Variants in MUC6 observed in about 807,000 individuals in gnomAD.
MUC6 encodes mucin 6, oligomeric mucus/gel-forming (gene/pseudogene).
In MUC6, 188 loss-of-function variants were observed where a neutral mutation model predicts 201.5. The observed-to-expected ratio is 0.93, with a 90% confidence interval of 0.83 to 1.05. The LOEUF is 1.05. MUC6 is among the 50% of genes least tolerant of loss of function. The probability of loss-of-function intolerance (pLI) is 0.00; values close to 1 mark genes in which losing one functional copy is unlikely to be tolerated. For synonymous variants in MUC6, 1,228 were observed against 1,389.4 expected (o/e 0.88, Z 2.58); for missense variants, 2,706 against 3,256.9 (o/e 0.83, Z 4.12).
At position 1,036,680 on chromosome 11, in the gene MUC6, G is replaced by C; in HGVS notation, c.-25C>G. 3 of 1,543,432 alleles carry C rather than the reference G, an allele frequency of 1.9e-6. No individual in the cohort carries two copies. Among genetic ancestry groups the C allele is most frequent in the Non-Finnish European group, 1.7e-6 (2 of 1,145,744 alleles). ...TGGTGCACAGTGGAGAGGAGCTCGC[G>C]CTGGGCCCGGCAGGCCTGCTGCTGC... On this transcript the variant is annotated 5_prime_UTR_variant, in exon 1 of 33. Coordinates refer to ENST00000421673, the MANE Select transcript of MUC6 (RefSeq NM_005961.3).
Position 1,016,276 on chromosome 11 carries a change from C to T in MUC6, c.6525G>A (p.Leu2175=). The part of the protein sequence containing the change: ...FVSAPVHSTT[L]SSGSHSSLST... ...ACAATGAGGAGTGTGACCCCGAGCT[C>T]AGGGTTGTGGAGTGCACGGGGGCGG... is the stretch of plus-strand genomic sequence containing the variant. Residue 2175 remains leucine (L), a synonymous_variant, in exon 31 of 33, where the codon CTG becomes CTA. Coordinates refer to ENST00000421673, the MANE Select transcript of MUC6 (RefSeq NM_005961.3). 2 of 1,612,866 alleles carry T rather than the reference C, an allele frequency of 1.2e-6. No individual in the cohort carries two copies. Among genetic ancestry groups the T allele is most frequent in the Admixed American group, 1.7e-5 (1 of 59,868 alleles).
In MUC6 at chr11:1,035,344, C is replaced by T. The variant is rs117423673; in HGVS notation, c.52+1260G>A. Among the ~76,000 whole-genome samples the T allele has an allele frequency of 4.2e-3, 639 of 152,310 alleles. 3 individuals carry two copies. Among genetic ancestry groups the T allele is most frequent in the Non-Finnish European group, 7.5e-3 (511 of 68,018 alleles). On this transcript the variant is annotated intron_variant, in intron 1 of 32. Transcript: ENST00000421673. ...GGTGGTGGCCCGAGGGACTAGGGGT[C>T]GCACTCTGCTGCAAGTTTAGCCCCA... is the stretch of plus-strand genomic sequence containing the variant.
At position 1,016,022 on chromosome 11, in the gene MUC6, G is replaced by T; in HGVS notation, c.6779C>A (p.Thr2260Asn). The change falls in exon 31 of 33, where the codon ACC becomes AAC. Residue 2260 changes from threonine (T) to asparagine (N), a missense_variant. By Grantham distance (65) the Thr-to-Asn change is moderately conservative. This residue lies in a region of MUC6 where 586 missense variants were observed against 488.0 expected (regional missense o/e 1.20). Transcript: ENST00000421673. ...STPRTTASTH[T>N]APAFSSQSTT... ...GGACTGAGAGGAGAAGGCAGGGGCGGTGTGGGTGCTGGCCGTGGTCCTGGG... is the reference window on the plus strand; with the variant it reads ...GGACTGAGAGGAGAAGGCAGGGGCGTTGTGGGTGCTGGCCGTGGTCCTGGG... 1 of 1,608,952 alleles carries T rather than the reference G, an allele frequency of 6.2e-7. No individual in the cohort carries two copies. Among genetic ancestry groups the T allele is most frequent in the African/African-American group, 1.3e-5 (1 of 74,960 alleles).
At position 1,033,424 on chromosome 11, in the gene MUC6, G is replaced by A. The variant is rs1005511764; in HGVS notation, c.53-349C>T. 6.6e-6 allele frequency among the ~76,000 whole-genome samples: 1 copy of A among 152,120 alleles called. No homozygotes were observed. Among genetic ancestry groups the A allele is most frequent in the African/African-American group, 2.4e-5 (1 of 41,426 alleles). ...GGGGCTAGGAGGGGCTGGTGCGGGT[G>A]GCAGGGGCTTGGCGGCGGAGCCAAC... is the stretch of plus-strand genomic sequence containing the variant. On this transcript the variant is annotated intron_variant, in intron 1 of 32. Transcript: ENST00000421673. The surrounding 1 kb of genome is among the most constrained non-coding windows in gnomAD (Gnocchi z 5.6).
In MUC6 at chr11:1,036,639, A is replaced by C. The variant is rs1233942053; in HGVS notation, c.17T>G (p.Leu6Arg). Reference protein sequence around the residue: MVQRWLLLSCCGALLS... With the variant: MVQRWRLLSCCGALLS... Reference sequence around the variant, plus strand: ...CAGGGCTCCGCAGCAGGACAGCAGCAGCCACCGCTGGACCATGGTGCACAG... The same window carrying C: ...CAGGGCTCCGCAGCAGGACAGCAGCCGCCACCGCTGGACCATGGTGCACAG... Residue 6 changes from leucine (L) to arginine (R), a missense_variant, in exon 1 of 33, where the codon CTG becomes CGG. Leu to Arg is a moderately radical substitution (Grantham distance 102). Coordinates refer to ENST00000421673, the MANE Select transcript of MUC6 (RefSeq NM_005961.3). 6 of 1,547,672 alleles carry C rather than the reference A, an allele frequency of 3.9e-6. No individual in the cohort carries two copies. Among genetic ancestry groups the C allele is most frequent in the Non-Finnish European group, 5.2e-6 (6 of 1,146,476 alleles).
At chr11:1,036,542 C>A (rs1857220011) in intron 1 of MUC6, 62 bp downstream of exon 1, 1 of 1,527,518 alleles carries the variant, frequency 6.5e-7, no homozygotes, top group Non-Finnish European at 8.9e-7. Context: ...GGCCCAGAGA[C>A]CCCCGCACAC....
In MUC6 at chr11:1,031,881, C is replaced by T; in HGVS notation, c.288G>A (p.Arg96=). 3.1e-6 allele frequency: 5 copies of T among 1,613,010 alleles called. No individual in the cohort carries two copies. Among genetic ancestry groups the T allele is most frequent in the Non-Finnish European group, 3.4e-6 (4 of 1,179,878 alleles). ...CGGAGGCCCCCAGCTCCACGATGAT[C>T]CGCGAGATGCTCCCGTCTGGGCCTC... ...LRRGPDGSIS[R]IIVELGASVV... is the part of the protein sequence containing the mutation. Residue 96 remains arginine (R), a synonymous_variant, in exon 3 of 33, where the codon CGG becomes CGA. Coordinates refer to ENST00000421673, the MANE Select transcript of MUC6 (RefSeq NM_005961.3).
chr11:1,029,699 C>A, intron 8 of MUC6, 84 bp from the exon 9 acceptor site: 1 of 1,476,692 alleles, frequency 6.8e-7, no homozygotes, highest in South Asian at 1.4e-5. Flanking sequence ...GACGCCCCCT[C>A]CAGCCTGGCT....
intron 3 of MUC6, 30 bp from the exon 4 acceptor site, chr11:1,031,763 C>A: frequency 6.4e-7 from 1 of 1,550,934 alleles, no homozygotes; most frequent in Non-Finnish European, 8.7e-7. Flanking sequence ...GGTGGTCGAT[C>A]CTCAGTCCTC....
chr11:1,025,410 CG>C, intron 22 of MUC6, 43 bp from the exon 23 acceptor site: 1 of 1,582,556 alleles, frequency 6.3e-7, no homozygotes, highest in African/African-American at 1.3e-5. Flanking sequence ...CTGTCTCCCC[CG>C]GCCCCTGGCA....
rs775475135 is a variant in MUC6 at position 1,036,572 on chromosome 11, C to T, written c.52+32G>A. 1.4e-5 allele frequency: 22 copies of T among 1,548,458 alleles called. 1 individual carries two copies. The highest frequency in any genetic ancestry group is 8.2e-5 in the African/African-American group (6 of 72,980). The stretch of plus-strand genomic sequence containing the variant: ...GCACACAGGGCCCCTCTGAGGGCAC[C>T]GCAGTGTCTGGCGCCCCTCGACCTC... On this transcript the variant is annotated intron_variant, in intron 1 of 32. Transcript: ENST00000421673.
intron 26 of MUC6, 77 bp from the exon 27 acceptor site, chr11:1,021,354 C>G (rs958622002): frequency 3.3e-6 from 3 of 903,968 alleles, no homozygotes; most frequent in Admixed American, 3.9e-5. Flanking sequence ...CCCTGGCGGC[C>G]TCCTTCCTCT....
At position 1,029,527 on chromosome 11, in the gene MUC6, G is replaced by C. The variant is rs201941345; in HGVS notation, c.1104C>G (p.Pro368=). ...PCVLHGAMYA[P]GEVTIAACQT... ...GGCAGGCAGCTATTGTGACCTCCCC[G>C]GGGGCATACATGGCGCCGTGGAGCA... Residue 368 remains proline, a synonymous_variant, in exon 9 of 33, where the codon CCC becomes CCG. Transcript: ENST00000421673. The C allele has an allele frequency of 2.7e-4, 432 of 1,612,442 alleles. 2 individuals are homozygous for C. Among genetic ancestry groups the C allele is most frequent in the Middle Eastern group, 9.9e-4 (6 of 6,056 alleles).
chr11:1,032,154 T>G, intron 2 of MUC6, 101 bp from the exon 3 acceptor site: 1 of 1,479,198 alleles, frequency 6.8e-7, no homozygotes, highest in Non-Finnish European at 9.1e-7. Context: ...GGGCCAGGGT[T>G]TTTGAGTTGG....
Position 1,016,263 on chromosome 11 carries a change from G to T in MUC6, c.6538C>A (p.His2180Asn), listed in dbSNP as rs200679139. 2.1e-4 allele frequency: 340 copies of T among 1,613,154 alleles called. 5 individuals are homozygous for T. The South Asian group carries it at 3.4e-3, about 16-fold the overall frequency. ...GTGGGATGAGTGGACAATGAGGAGT[G>T]TGACCCCGAGCTCAGGGTTGTGGAG... ...VHSTTLSSGSHSSLSTHPTTA... is the reference protein window; with the variant it reads ...VHSTTLSSGSNSSLSTHPTTA... The change falls in exon 31 of 33, where the codon CAC becomes AAC. Residue 2180 changes from histidine (H) to asparagine (N), a missense_variant. By Grantham distance (68) the His-to-Asn change is moderately conservative. Coordinates refer to ENST00000421673, the MANE Select transcript of MUC6 (RefSeq NM_005961.3).
chr11:1,027,856 C>T (rs1465051049), intron 15 of MUC6, 39 bp from the exon 16 acceptor site: 2 of 1,600,836 alleles, frequency 1.2e-6, no homozygotes, highest in Non-Finnish European at 1.7e-6. Context: ...TGGCAGGCAC[C>T]CTGCCCTGGG....
chr11:1,016,326 C>T lies in MUC6; in HGVS notation c.6475G>A (p.Val2159Ile). 3 of 1,611,178 alleles carry T rather than the reference C, an allele frequency of 1.9e-6. No individual in the cohort carries two copies. The highest frequency in any genetic ancestry group is 2.5e-6 in the Non-Finnish European group (3 of 1,178,778). The change falls in exon 31 of 33, where the codon GTT (valine) becomes ATT (isoleucine). Residue 2159 changes from valine (V) to isoleucine (I), a missense_variant. By Grantham distance (29) the Val-to-Ile change is conservative. This residue lies in a region of MUC6 where 586 missense variants were observed against 488.0 expected (regional missense o/e 1.20). Transcript: ENST00000421673. ...GACACGAAAGAGGAAGATGTGCCAA[C>T]AGAAGGCGATGAAGTCTGGGGAGAG... Reference protein sequence around the residue: ...HSSPQTSSPSVGTSSSFVSAP... With the variant: ...HSSPQTSSPSIGTSSSFVSAP...
At chr11:1,025,419 G>T (rs1042037423) in intron 22 of MUC6, 52 bp from the exon 23 acceptor site, 16 of 1,570,838 alleles carry the variant, frequency 1.0e-5, no homozygotes, top group Admixed American at 3.4e-5. Context: ...CCGGCCCCTG[G>T]CACAGCCGTG....
In MUC6 at chr11:1,031,264, G is replaced by A. The variant is rs1857097164; in HGVS notation, c.484-5C>T. 7.0e-6 allele frequency: 11 copies of A among 1,561,206 alleles called. No individual in the cohort carries two copies. The highest frequency in any genetic ancestry group is 9.5e-6 in the Non-Finnish European group (11 of 1,153,568). On this transcript the variant is annotated splice_region_variant and splice_polypyrimidine_tract_variant and intron_variant, in intron 4 of 32. Coordinates refer to ENST00000421673, the MANE Select transcript of MUC6 (RefSeq NM_005961.3). ...GTACTTCCGCTCCACCAGAACCTGCGGGAGACGGCTCTGCTGGGGGCCCGG... is the reference window on the plus strand; with the variant it reads ...GTACTTCCGCTCCACCAGAACCTGCAGGAGACGGCTCTGCTGGGGGCCCGG...
Sources: allele counts gnomAD v4.1 joint callset (sites outside exome capture counted in the v4.1 genomes callset), GRCh38; gene constraint gnomAD v4.1.1; regional missense constraint gnomAD v4.1.1; non-coding constraint Gnocchi (gnomAD v3.1); transcripts MANE v1.5; gene names NCBI Gene and HGNC (gene_info 2026-07-23, HGNC 2026-07-21).